The following TRPM8 variants were observed in gnomAD, a reference collection of about 807,000 sequenced individuals.
TRPM8 encodes TRPM8 cationic channel.
In TRPM8, 110 loss-of-function variants were observed where a neutral mutation model predicts 133.7. The observed-to-expected ratio is 0.82, with a 90% CI of 0.70 to 0.96. TRPM8 has a LOEUF of 0.96. Ranked by LOEUF, TRPM8 falls within the 40% of genes least tolerant of loss-of-function variation. TRPM8 has a pLI of 0.00. For missense variants in TRPM8, 1,291 were observed against 1,379.5 expected (o/e 0.94, Z 1.02); for synonymous variants, 535 against 532.3 (o/e 1.01, Z -0.07).
At chr2:234,006,746 T>A in intron 22 of TRPM8, 107 bp from the exon 23 acceptor site, 1 of 771,188 alleles carries the variant, frequency 1.3e-6, no homozygotes, top group Non-Finnish European at 2.1e-6. Flanking sequence ...GCAGGACGAA[T>A]CTCATTCTTA....
chr2:233,995,655 T>C, intron 21 of TRPM8, among the ~76,000 whole-genome samples: 1 of 152,242 alleles, frequency 6.6e-6, no homozygotes, highest in Non-Finnish European at 1.5e-5. Context: ...AATGGCTGCA[T>C]AATGTAATCA....
At chr2:233,917,507 T>G (rs894157849) in intron 1 of TRPM8, 75 bp downstream of exon 1, 1 of 152,200 alleles carries the variant, frequency 6.6e-6, no homozygotes, top group Non-Finnish European at 1.5e-5. Flanking sequence ...AGTACGAGTT[T>G]GTGTCTCTGG....
Position 233,946,189 on chromosome 2 carries a change from ACAT to A in TRPM8, c.874+162_874+164del, listed in dbSNP as rs2125115853. 7.0e-6 allele frequency: 5 copies of A among 715,472 alleles called. No individual in the cohort carries two copies. In the East Asian group the frequency reaches 1.4e-4, roughly 20 times the overall value. The allele number at this position is 715,472 out of a possible 1,614,324, so 44.3% of individuals were successfully genotyped here. A position where few individuals can be genotyped will look rare whatever the true frequency, so the allele number is the denominator to read the frequency against. On this transcript the variant is annotated intron_variant, in intron 7 of 25. Coordinates refer to ENST00000324695, the MANE Select transcript of TRPM8 (RefSeq NM_024080.5). ...TGTTATTTCTCTTAATTTTTCCAAC[ACAT>A]CAGGAATGCTTCTGCCAGGGTCAAT... is the stretch of plus-strand genomic sequence containing the variant.
intron 1 of TRPM8, among the ~76,000 whole-genome samples, chr2:233,924,161 G>A (rs953310956): frequency 6.6e-5 from 10 of 152,184 alleles, no homozygotes; most frequent in African/African-American, 2.4e-4. Flanking sequence ...GACACTGACA[G>A]ATAAGTCCAA....
At chr2:233,922,643 T>C (rs1457997948) in intron 1 of TRPM8, among the ~76,000 whole-genome samples, 1 of 152,216 alleles carries the variant, frequency 6.6e-6, no homozygotes, top group East Asian at 1.9e-4. Flanking sequence ...TATGTGAGTG[T>C]TTGCCTTCCT....
At chr2:233,982,902 T>G (rs1179861178) in intron 19 of TRPM8, 151 bp from the exon 20 acceptor site, 1 of 775,716 alleles carries the variant, frequency 1.3e-6, no homozygotes, top group Non-Finnish European at 2.1e-6. Context: ...TGACCGCTTT[T>G]GTCAATTAGT....
intron 4 of TRPM8, 99 bp downstream of exon 4, chr2:233,937,608 G>C (rs1371071606): frequency 1.9e-5 from 26 of 1,368,908 alleles, no homozygotes; most frequent in Non-Finnish European, 2.6e-5. Flanking sequence ...GGAGGCAGGA[G>C]AGATGGGTAG....
intron 21 of TRPM8, among the ~76,000 whole-genome samples, chr2:233,992,921 C>G (rs540444253): frequency 1.6e-4 from 24 of 152,144 alleles, no homozygotes; most frequent in Non-Finnish European, 2.4e-4. Flanking sequence ...AATTTGAAAA[C>G]AATGTCTACA....
intron 22 of TRPM8, among the ~76,000 whole-genome samples, chr2:234,000,258 C>T (rs1692522149): frequency 6.6e-6 from 1 of 151,538 alleles, no homozygotes; most frequent in Non-Finnish European, 1.5e-5. Context: ...CTACAGGCAC[C>T]CGCCACCACA....
At chr2:233,946,647 C>T (rs1285518568) in intron 7 of TRPM8, among the ~76,000 whole-genome samples, 1 of 152,120 alleles carries the variant, frequency 6.6e-6, no homozygotes, top group Non-Finnish European at 1.5e-5. Context: ...GAAATGTTGT[C>T]AATTATTTTC....
intron 2 of TRPM8, among the ~76,000 whole-genome samples, chr2:233,928,589 G>A (rs1311636028): frequency 6.6e-6 from 1 of 152,162 alleles, no homozygotes; most frequent in African/African-American, 2.4e-5. Context: ...AATTAGTTAA[G>A]TGGATGAAAA....
Position 233,943,067 on chromosome 2 carries a change from C to CTTTTTTTT in TRPM8, c.699+332_699+339dup, listed in dbSNP as rs67315288. ...GCGGGCTCAAAGCCAACTGCAGTAT[C>CTTTTTTTT]TTTTTTTTTTTTTTTTTTTTACACC... On this transcript the variant is annotated intron_variant, in intron 6 of 25. Transcript: ENST00000324695. The CTTTTTTTT allele has an allele frequency of 7.9e-4, 141 of 178,516 alleles. 2 individuals carry two copies. Among genetic ancestry groups the CTTTTTTTT allele is most frequent in the East Asian group, 4.4e-3 (30 of 6,814 alleles). The allele number at this position is 178,516 out of a possible 1,614,324, so 11.1% of individuals were successfully genotyped here. A position where few individuals can be genotyped will look rare whatever the true frequency, so the allele number is the denominator to read the frequency against.
At chr2:233,976,489 C>T (rs1000554266) in intron 17 of TRPM8, among the ~76,000 whole-genome samples, 6 of 151,958 alleles carry the variant, frequency 3.9e-5, no homozygotes, top group Admixed American at 1.3e-4. Flanking sequence ...GGGGCAGGTG[C>T]GCAGGAGAAC....
intron 11 of TRPM8, among the ~76,000 whole-genome samples, chr2:233,960,174 T>C (rs1374053150): frequency 6.6e-6 from 1 of 152,172 alleles, no homozygotes; most frequent in Admixed American, 6.5e-5. Flanking sequence ...GACTTATTGG[T>C]ATGTAACAAG....
At chr2:233,930,811 A>G in intron 3 of TRPM8, 70 bp downstream of exon 3, 1 of 967,132 alleles carries the variant, frequency 1.0e-6, no homozygotes, top group Non-Finnish European at 1.6e-6. Flanking sequence ...CTTACAACAA[A>G]CAAATGCTCC....
rs1396974694 is a variant in TRPM8, at chr2:233,959,323, G to GT, written c.1363-1453_1363-1452insT. Among the ~76,000 whole-genome samples, 229 of 127,804 alleles carry GT rather than the reference G, an allele frequency of 1.8e-3. 2 individuals carry two copies. Among genetic ancestry groups the GT allele is most frequent in the African/African-American group, 7.9e-3 (217 of 27,428 alleles). The allele number at this position is 127,804 out of a possible 152,430, so 83.8% of individuals were successfully genotyped here. A position where few individuals can be genotyped will look rare whatever the true frequency, so the allele number is the denominator to read the frequency against. On this transcript the variant is annotated intron_variant, in intron 11 of 25. Transcript: ENST00000324695. ...TTACAGGTGTGAGCCACCTCGCCCA[G>GT]CCTTTTTTTTTTTTTTTTTTTGAGA...
At chr2:233,950,691 A>G (rs975351900) in intron 9 of TRPM8, among the ~76,000 whole-genome samples, 2 of 152,194 alleles carry the variant, frequency 1.3e-5, no homozygotes, top group Non-Finnish European at 2.9e-5. Flanking sequence ...GCCCAGTGAG[A>G]GGAGAAGGAG....
intron 9 of TRPM8, 73 bp from the exon 10 acceptor site, chr2:233,953,844 A>G: frequency 8.6e-7 from 1 of 1,167,266 alleles, no homozygotes; most frequent in Admixed American, 2.2e-5. Flanking sequence ...AAGATCTCTC[A>G]CAAAAAGAAA....
Position 233,937,509 on chromosome 2 carries a change from G to A in TRPM8, c.348G>A (p.Lys116=), listed in dbSNP as rs1690785566. The part of the protein sequence containing the change: ...IQFETLGKKG[K]YIRLSCDTDA... ...TTGAGACACTGGGGAAGAAAGGGAA[G>A]GTAAGCAATGGTTTTCTACTTTGGC... The change falls in exon 4 of 26, where the codon AAG becomes AAA. Residue 116 remains lysine (K), a splice_region_variant and synonymous_variant. Coordinates refer to ENST00000324695, the MANE Select transcript of TRPM8 (RefSeq NM_024080.5). 1 of 1,611,160 alleles carries A rather than the reference G, an allele frequency of 6.2e-7. No individual in the cohort carries two copies. The highest frequency in any genetic ancestry group is 1.3e-5 in the African/African-American group (1 of 74,830).
Sources: gnomAD v4.1 joint callset for allele counts (sites outside exome capture counted in the v4.1 genomes callset) on GRCh38, gnomAD v4.1.1 for gene constraint, MANE v1.5 for transcripts, NCBI Gene and HGNC (gene_info 2026-07-23, HGNC 2026-07-21) for gene names.